SLC9A3: variants seen among roughly 807,000 people sequenced by gnomAD.
SLC9A3 encodes sodium/hydrogen exchanger 3.
Under a neutral mutation model 86.8 loss-of-function variants are expected in SLC9A3, and 37 were observed. The ratio of observed to expected loss-of-function variants is 0.43; its 90% CI spans 0.33 to 0.56. The LOEUF is 0.56. Ranked by LOEUF, SLC9A3 falls within the 20% of genes least tolerant of loss-of-function variation. The pLI is 0.06. For synonymous variants in SLC9A3, 581 were observed against 528.3 expected (o/e 1.10, Z -1.37); for missense variants, 1,011 against 1,171.9 (o/e 0.86, Z 2.00).
intron 1 of SLC9A3, among the ~76,000 whole-genome samples, chr5:506,098 GC>G (rs983423705): frequency 2.6e-5 from 4 of 152,220 alleles, no homozygotes; most frequent in African/African-American, 9.6e-5. Context: ...GGTGAGGGCA[GC>G]TTCCCAAGCC....
At chr5:507,979 G>A (rs1280257640) in intron 1 of SLC9A3, among the ~76,000 whole-genome samples, 1 of 150,122 alleles carries the variant, frequency 6.7e-6, no homozygotes, top group Non-Finnish European at 1.5e-5. Context: ...ACAGACGCCC[G>A]AATCTCCACC....
chr5:494,690 G>A (rs971276984), intron 1 of SLC9A3, among the ~76,000 whole-genome samples: 4 of 152,166 alleles, frequency 2.6e-5, no homozygotes, highest in South Asian at 2.1e-4. Flanking sequence ...GTCTGTGCCC[G>A]GTGCCGGCGC....
intron 7 of SLC9A3, 116 bp downstream of exon 7, chr5:482,431 TA>T: frequency 1.1e-6 from 1 of 888,918 alleles, no homozygotes; most frequent in Non-Finnish European, 1.8e-6. Context: ...TCCTAGTTAC[TA>T]AAATTATGAA....
In SLC9A3 at chr5:497,886, T is replaced by TGCCCCGG; in HGVS notation, c.212-5816_212-5815insCCGGGGC. On this transcript the variant is annotated intron_variant, in intron 1 of 16. Coordinates refer to ENST00000264938, the MANE Select transcript of SLC9A3 (RefSeq NM_004174.4). The surrounding 1 kb of genome is among the most constrained non-coding windows in gnomAD (Gnocchi z 5.4). The stretch of plus-strand genomic sequence containing the variant: ...CGGCCGCATCCCCAGCCTCTGCCCC[T>TGCCCCGG]GTCCCGGGTGGGGTCGCCCGGCCGC... Among the ~76,000 whole-genome samples, 2 of 147,798 alleles carry TGCCCCGG rather than the reference T, an allele frequency of 1.4e-5. 1 individual carries two copies. Among genetic ancestry groups the TGCCCCGG allele is most frequent in the Admixed American group, 1.4e-4 (2 of 14,740 alleles).
In SLC9A3 at chr5:476,558, G is replaced by A. The variant is rs1478149495; in HGVS notation, c.1875C>T (p.Tyr625=). 1 of 1,611,166 alleles carries A rather than the reference G, an allele frequency of 6.2e-7. No homozygotes were observed. Among genetic ancestry groups the A allele is most frequent in the Non-Finnish European group, 8.5e-7 (1 of 1,179,804 alleles). Reference sequence around the variant, plus strand: ...CAGTGCCCACCTCCTGCCGCGGCTTGTACAGGTACTGCTGTAGCGTGTGGT... The same window carrying A: ...CAGTGCCCACCTCCTGCCGCGGCTTATACAGGTACTGCTGTAGCGTGTGGT... ...VTHHTLQQYL[Y]KPRQEYKHLY... The change falls in exon 12 of 17, where the codon TAC becomes TAT. Residue 625 remains tyrosine (Y), a synonymous_variant. Transcript: ENST00000264938.
intron 1 of SLC9A3, among the ~76,000 whole-genome samples, chr5:515,119 C>T (rs963768016): frequency 6.6e-6 from 1 of 152,036 alleles, no homozygotes; most frequent in Non-Finnish European, 1.5e-5. Context: ...TTTCTCGGCC[C>T]CCCACTCCTC....
intron 1 of SLC9A3, among the ~76,000 whole-genome samples, chr5:516,517 C>A (rs1733736009): frequency 6.6e-6 from 1 of 152,234 alleles, no homozygotes; most frequent in Non-Finnish European, 1.5e-5. Context: ...CAAGTCAGGG[C>A]CTGCCCAGGG....
rs1022587464 is a variant in SLC9A3 at position 475,920 on chromosome 5, G to A, written c.2140+100C>T. On this transcript the variant is annotated intron_variant, in intron 14 of 16. Transcript: ENST00000264938. ...TGCCTGGGTGGCTGGAGGGTCCCCA[G>A]AGGGGAAGGTCCTGAGAGGGGAGGT... The A allele has an allele frequency of 1.1e-4, 120 of 1,070,948 alleles. 1 individual carries two copies. Among genetic ancestry groups the A allele is most frequent in the Non-Finnish European group, 1.6e-4 (119 of 744,936 alleles). 66.3% of individuals were successfully genotyped at this position (1,070,948 alleles called of 1,614,324 possible).
At chr5:482,862 G>T (rs111353320) in intron 6 of SLC9A3, 112 bp from the exon 7 acceptor site, 2 of 826,714 alleles carry the variant, frequency 2.4e-6, no homozygotes, top group Non-Finnish European at 3.8e-6. Context: ...GAAGAACAGC[G>T]GCACCCTAGA....
chr5:482,111 C>A lies in SLC9A3; in HGVS notation c.1403G>T (p.Ser468Ile). 6.2e-7 allele frequency: 1 copy of A among 1,610,160 alleles called. No individual in the cohort carries two copies. The highest frequency in any genetic ancestry group is 8.5e-7 in the Non-Finnish European group (1 of 1,179,150). Residue 468 changes from serine to isoleucine, a missense_variant, in exon 8 of 17, where the codon AGC becomes ATC. Physicochemically the swap from Ser to Ile is moderately radical, Grantham distance 142. Around this residue, in one of 3 missense-constraint regions of SLC9A3, gnomAD observed 565 missense variants for 790.0 expected, o/e 0.72. Coordinates refer to ENST00000264938, the MANE Select transcript of SLC9A3 (RefSeq NM_004174.4). ...GTTGAGCCGAGGTTCCCGGTGCTCG[C>A]TCCTCTTCACCTTCAGCCACTGCAC... ...PLVQWLKVKRSEHREPRLNEK... is the reference protein window; with the variant it reads ...PLVQWLKVKRIEHREPRLNEK...
At chr5:520,238 C>T (rs1054971260) in intron 1 of SLC9A3, among the ~76,000 whole-genome samples, 2 of 152,224 alleles carry the variant, frequency 1.3e-5, no homozygotes, top group Non-Finnish European at 2.9e-5. Context: ...CACGGCCAGA[C>T]GCCTGGGGAC....
chr5:524,245 C>G lies in SLC9A3; in HGVS notation c.78G>C (p.Gly26=), dbSNP rs1283615757. The G allele has an allele frequency of 2.0e-6, 3 of 1,467,588 alleles. No individual in the cohort carries two copies. The highest frequency in any genetic ancestry group is 1.3e-5 in the South Asian group (1 of 75,720). 90.9% of individuals were successfully genotyped at this position (1,467,588 alleles called of 1,614,324 possible). ...CGCCGCCGGGCTCCACCTCGACGCC[C>G]CCGGCCCGCGCCAGCCCGCCCAGCG... The part of the protein sequence containing the change: ...ALALGGLARA[G]GVEVEPGGAH... The change falls in exon 1 of 17, where the codon GGG becomes GGC. Residue 26 remains glycine (G), a synonymous_variant. Transcript: ENST00000264938.
intron 6 of SLC9A3, 148 bp from the exon 7 acceptor site, chr5:482,898 C>T (rs770531833): frequency 1.2e-4 from 78 of 656,320 alleles, no homozygotes; most frequent in Admixed American, 6.4e-4. Flanking sequence ...CCACGTCCCT[C>T]GTCACCATCC....
Position 474,952 on chromosome 5 carries a change from A to G in SLC9A3, c.2432T>C (p.Val811Ala), listed in dbSNP as rs1188884950. 6.2e-7 allele frequency: 1 copy of G among 1,609,176 alleles called. No individual in the cohort carries two copies. The highest frequency in any genetic ancestry group is 1.3e-5 in the African/African-American group (1 of 75,004). ...LMPFRLSSKSVDSFLQADGPE... is the reference protein window; with the variant it reads ...LMPFRLSSKSADSFLQADGPE... ...GCCGTCTGCCTGCAGGAAGGAGTCC[A>G]CGGACTTGCTGCTGAGGCGGAAGGG... Residue 811 changes from valine (V) to alanine (A), a missense_variant, in exon 16 of 17, where the codon GTG becomes GCG. Val to Ala is a moderately conservative substitution (Grantham distance 64, BLOSUM62 0). Transcript: ENST00000264938.
At chr5:486,777 G>A (rs1017822409) in intron 3 of SLC9A3, among the ~76,000 whole-genome samples, 3 of 152,224 alleles carry the variant, frequency 2.0e-5, no homozygotes, top group African/African-American at 7.2e-5. Flanking sequence ...CATTCACGCA[G>A]GGACGGCCAC....
intron 1 of SLC9A3, among the ~76,000 whole-genome samples, chr5:509,260 G>T (rs939015168): frequency 1.3e-5 from 2 of 152,104 alleles, no homozygotes; most frequent in Non-Finnish European, 2.9e-5. Context: ...GACCAGCCTG[G>T]GCAGCATGGT....
chr5:485,461 C>T (rs1054348451), intron 3 of SLC9A3, among the ~76,000 whole-genome samples: 3 of 152,248 alleles, frequency 2.0e-5, no homozygotes, highest in Non-Finnish European at 4.4e-5. Flanking sequence ...GCTTTGGGAG[C>T]AAAGCTGGCC....
chr5:489,202 C>G (rs1579790116), intron 2 of SLC9A3, among the ~76,000 whole-genome samples: 2 of 152,332 alleles, frequency 1.3e-5, no homozygotes, highest in East Asian at 3.9e-4. Flanking sequence ...CCCCGAGAGT[C>G]TGCCCTCTCT....
chr5:490,311 C>T (rs551329031), intron 2 of SLC9A3, among the ~76,000 whole-genome samples: 9 of 80,880 alleles, frequency 1.1e-4, no homozygotes, highest in Admixed American at 6.4e-4. Context: ...TCCAGCGTGG[C>T]GAGGGGCAGG....
Sources: allele counts gnomAD v4.1 joint callset (sites outside exome capture counted in the v4.1 genomes callset), GRCh38; gene constraint gnomAD v4.1.1; regional missense constraint gnomAD v4.1.1; non-coding constraint Gnocchi (gnomAD v3.1); transcripts MANE v1.5; gene names NCBI Gene and HGNC (gene_info 2026-07-23, HGNC 2026-07-21).